GRM8: variants seen among roughly 807,000 people sequenced by gnomAD.
The protein encoded by GRM8 is metabotropic glutamate receptor 8.
A neutral mutation model predicts 87.2 loss-of-function variants in GRM8; 47 were observed. The observed-to-expected ratio is 0.54, with a 90% confidence interval of 0.43 to 0.69. GRM8 has a LOEUF of 0.69. GRM8 is among the 30% of genes least tolerant of loss of function. The pLI is 0.00. For missense variants in GRM8, 1,019 were observed against 1,139.2 expected (o/e 0.89, Z 1.52); for synonymous variants, 396 against 404.5 (o/e 0.98, Z 0.25).
At chr7:127,146,309 T>C (rs1828550805) in intron 2 of GRM8, among the ~76,000 whole-genome samples, 1 of 152,064 alleles carries the variant, frequency 6.6e-6, no homozygotes, top group Admixed American at 6.6e-5. Context: ...GGGCACTCTG[T>C]CGCTGAAGAG....
chr7:127,055,326 G>T (rs1055091369), intron 3 of GRM8, among the ~76,000 whole-genome samples: 1 of 152,130 alleles, frequency 6.6e-6, no homozygotes, highest in African/African-American at 2.4e-5. Context: ...ATCCAAAGAG[G>T]TCAAATGAGA....
At chr7:127,012,098 C>T (rs1156723063) in intron 3 of GRM8, among the ~76,000 whole-genome samples, 3 of 152,222 alleles carry the variant, frequency 2.0e-5, no homozygotes, top group South Asian at 2.1e-4. Flanking sequence ...AAGCTCTCTG[C>T]GCTTAACTGT....
chr7:127,212,652 C>T lies in GRM8; in HGVS notation c.510+30043G>A, dbSNP rs866158853. 5.5e-4 allele frequency among the ~76,000 whole-genome samples: 83 copies of T among 152,156 alleles called. 1 individual carries two copies. The highest frequency in any genetic ancestry group is 6.8e-3 in the Middle Eastern group (2 of 294). On this transcript the variant is annotated intron_variant, in intron 2 of 10. Transcript: ENST00000339582. ...CGGGATGGTCTCGATCTCCTGACCT[C>T]GTGATCCGCCCGCCTCGGCCTCCCA...
intron 9 of GRM8, among the ~76,000 whole-genome samples, chr7:126,532,518 A>T (rs1206029718): frequency 1.3e-5 from 2 of 152,030 alleles, no homozygotes; most frequent in African/African-American, 4.8e-5. Flanking sequence ...TTTGTCATGC[A>T]GTGGCATATC....
intron 8 of GRM8, among the ~76,000 whole-genome samples, chr7:126,541,099 C>T: frequency 6.6e-6 from 1 of 152,106 alleles, no homozygotes; most frequent in East Asian, 1.9e-4. Flanking sequence ...GCCCTCCAGA[C>T]ACAACGTAGA....
At chr7:126,854,553 A>G (rs1294164774) in intron 6 of GRM8, among the ~76,000 whole-genome samples, 1 of 152,222 alleles carries the variant, frequency 6.6e-6, no homozygotes, top group Non-Finnish European at 1.5e-5. Context: ...CAGGTGATGT[A>G]GAAGCAGCTG....
chr7:126,830,474 C>T (rs1286647105), intron 6 of GRM8, among the ~76,000 whole-genome samples: 1 of 152,202 alleles, frequency 6.6e-6, no homozygotes, highest in Non-Finnish European at 1.5e-5. Context: ...CACTAATACC[C>T]TGTCTTCCAG....
intron 9 of GRM8, among the ~76,000 whole-genome samples, chr7:126,515,163 T>C (rs765419290): frequency 2.6e-5 from 4 of 152,084 alleles, no homozygotes; most frequent in Non-Finnish European, 5.9e-5. Flanking sequence ...TCATCATATA[T>C]CATAATTGAA....
chr7:126,997,482 A>C (rs1813295837), intron 3 of GRM8, among the ~76,000 whole-genome samples: 1 of 151,612 alleles, frequency 6.6e-6, no homozygotes, highest in Non-Finnish European at 1.5e-5. Context: ...ATAAAAGATA[A>C]ACAAAACCAG....
chr7:126,464,239 A>G (rs1804234338), intron 9 of GRM8, among the ~76,000 whole-genome samples: 1 of 151,526 alleles, frequency 6.6e-6, no homozygotes, highest in African/African-American at 2.4e-5. Context: ...TTTGTCTTGA[A>G]ATCTATTTTG....
At chr7:127,111,421 C>G (rs1357328358) in intron 2 of GRM8, among the ~76,000 whole-genome samples, 1 of 152,094 alleles carries the variant, frequency 6.6e-6, no homozygotes, top group Non-Finnish European at 1.5e-5. Context: ...CCTAACCACC[C>G]AGAACGTGAC....
At chr7:126,808,337 C>A (rs1261437995) in intron 6 of GRM8, among the ~76,000 whole-genome samples, 1 of 152,126 alleles carries the variant, frequency 6.6e-6, no homozygotes, top group Non-Finnish European at 1.5e-5. Flanking sequence ...GTATTAAAAA[C>A]AGAAGAGACA....
At chr7:126,576,937 G>A (rs556129137) in intron 8 of GRM8, among the ~76,000 whole-genome samples, 116 of 152,298 alleles carry the variant, frequency 7.6e-4, no homozygotes, top group African/African-American at 2.8e-3. Flanking sequence ...AAAAGCACAG[G>A]TTGTGCAAGC....
At chr7:126,586,759 C>G (rs1276100555) in intron 8 of GRM8, among the ~76,000 whole-genome samples, 2 of 152,178 alleles carry the variant, frequency 1.3e-5, no homozygotes, top group Non-Finnish European at 2.9e-5. Context: ...CCATTCAGGA[C>G]ATAGGCATGG....
At chr7:126,592,176 TG>T (rs925172090) in intron 8 of GRM8, among the ~76,000 whole-genome samples, 5 of 150,258 alleles carry the variant, frequency 3.3e-5, no homozygotes, top group African/African-American at 1.2e-4. Flanking sequence ...CAGAACCTGA[TG>T]GCTTCATTGC....
In GRM8 at chr7:126,533,750, G is replaced by C; in HGVS notation, c.1632C>G (p.Tyr544Ter). ...AGGACAGCTCATCCACCTGGTAGTTGTAACCTTCACAGCGTTCACAGTGCC... is the reference window on the plus strand; with the variant it reads ...AGGACAGCTCATCCACCTGGTAGTTCTAACCTTCACAGCGTTCACAGTGCC... ...CCWHCERCEG[Y>*]NYQVDELSCE... Residue 544 changes from tyrosine to a stop codon, truncating the protein, a stop_gained, in exon 9 of 11, where the codon TAC (tyrosine) becomes TAG (stop). Transcript: ENST00000339582. LOFTEE classifies it high-confidence loss of function. 1 of 1,614,092 alleles carries C rather than the reference G, an allele frequency of 6.2e-7. No homozygotes were observed. The highest frequency in any genetic ancestry group is 8.5e-7 in the Non-Finnish European group (1 of 1,179,978).
intron 3 of GRM8, among the ~76,000 whole-genome samples, chr7:126,947,288 G>A (rs1234341096): frequency 2.0e-5 from 3 of 152,232 alleles, no homozygotes; most frequent in South Asian, 2.1e-4. Flanking sequence ...AGTATTCTCC[G>A]TACTGAGCCA....
At chr7:126,889,970 G>C (rs1392479149) in intron 6 of GRM8, among the ~76,000 whole-genome samples, 1 of 152,018 alleles carries the variant, frequency 6.6e-6, no homozygotes, top group African/African-American at 2.4e-5. Flanking sequence ...TGTTCTATAG[G>C]TCTATCACCC....
At chr7:126,900,605 G>C (rs1358970959) in intron 6 of GRM8, among the ~76,000 whole-genome samples, 1 of 151,992 alleles carries the variant, frequency 6.6e-6, no homozygotes, top group East Asian at 1.9e-4. Flanking sequence ...CACCTCCCGG[G>C]TTCAAGCAAT....
Sources: allele counts gnomAD v4.1 joint callset (sites outside exome capture counted in the v4.1 genomes callset), GRCh38; gene constraint gnomAD v4.1.1; transcripts MANE v1.5; gene names NCBI Gene and HGNC (gene_info 2026-07-23, HGNC 2026-07-21).